EPHA5: variants seen among roughly 807,000 people sequenced by gnomAD.
The protein encoded by EPHA5 is ephrin type-A receptor 5.
A neutral mutation model predicts 105.0 loss-of-function variants in EPHA5; 60 were observed. That is an observed-to-expected ratio of 0.57 (90% confidence interval 0.46 to 0.71). The LOEUF is 0.71. Ranked by LOEUF, EPHA5 falls within the 30% of genes least tolerant of loss-of-function variation. EPHA5 has a pLI of 0.00. For synonymous variants in EPHA5, 513 were observed against 449.1 expected, an observed-to-expected ratio of 1.14 and a Z score of -1.80; for missense variants, 1,218 against 1,274.7, an observed-to-expected ratio of 0.96 and a Z score of 0.68.
intron 2 of EPHA5, among the ~76,000 whole-genome samples, chr4:65,628,645 A>G (rs1027140089): frequency 6.6e-6 from 1 of 152,174 alleles, no homozygotes; most frequent in Non-Finnish European, 1.5e-5. Flanking sequence ...TCAATCTGGC[A>G]TCATAATAAA....
chr4:65,653,206 A>G (rs1048464655), intron 1 of EPHA5, among the ~76,000 whole-genome samples: 3 of 152,210 alleles, frequency 2.0e-5, no homozygotes, highest in South Asian at 2.1e-4. Context: ...CATAGTCTCT[A>G]TTTTAAAGTG....
chr4:65,437,806 T>C (rs1352511963), intron 5 of EPHA5, among the ~76,000 whole-genome samples: 3 of 151,936 alleles, frequency 2.0e-5, no homozygotes, highest in African/African-American at 4.8e-5. Flanking sequence ...CACAATGTCA[T>C]AGGGATTTAA....
intron 4 of EPHA5, 129 bp from the exon 5 acceptor site, chr4:65,490,841 G>T: frequency 9.8e-7 from 1 of 1,024,274 alleles, no homozygotes; most frequent in Non-Finnish European, 1.4e-6. Flanking sequence ...ATAATTTGTA[G>T]TTTTGTTTTC....
intron 7 of EPHA5, among the ~76,000 whole-genome samples, chr4:65,405,494 T>C (rs1389582324): frequency 6.6e-6 from 1 of 152,194 alleles, no homozygotes; most frequent in African/African-American, 2.4e-5. Flanking sequence ...CCAAGAGATT[T>C]GGATCTCCAA....
rs571230122 is a variant in EPHA5, at chr4:65,583,924, A to G, written c.910+17717T>C. 4.6e-5 allele frequency among the ~76,000 whole-genome samples: 7 copies of G among 151,754 alleles called. 1 individual carries two copies. Among genetic ancestry groups the G allele is most frequent in the African/African-American group, 1.7e-4 (7 of 41,500 alleles). The stretch of plus-strand genomic sequence containing the variant: ...TTAAATTCATTAAACATTAAATTAA[A>G]TTTATTTAAAATATGTTTACACACT... On this transcript the variant is annotated intron_variant, in intron 3 of 16. Coordinates refer to ENST00000613740, the MANE Select transcript of EPHA5 (RefSeq NM_001281766.3).
At chr4:65,643,734 T>C (rs1747872226) in intron 1 of EPHA5, among the ~76,000 whole-genome samples, 1 of 151,812 alleles carries the variant, frequency 6.6e-6, no homozygotes, top group East Asian at 1.9e-4. Flanking sequence ...AGACAAAAAG[T>C]AAGCCCACAA....
Position 65,627,946 on chromosome 4 carries a change from T to C in EPHA5, c.246+15417A>G, listed in dbSNP as rs28715066. 2.1e-3 allele frequency among the ~76,000 whole-genome samples: 314 copies of C among 152,260 alleles called. 1 individual carries two copies. Among genetic ancestry groups the C allele is most frequent in the African/African-American group, 7.0e-3 (291 of 41,574 alleles). ...TTAAAAATAATCTTTTTATTAACTGTCCTTTTTTAATAGTTGAGTAAACTG... is the reference window on the plus strand; with the variant it reads ...TTAAAAATAATCTTTTTATTAACTGCCCTTTTTTAATAGTTGAGTAAACTG... On this transcript the variant is annotated intron_variant, in intron 2 of 16. Coordinates refer to ENST00000613740, the MANE Select transcript of EPHA5 (RefSeq NM_001281766.3).
At chr4:65,413,285 G>A (rs1304360110) in intron 7 of EPHA5, among the ~76,000 whole-genome samples, 3 of 151,832 alleles carry the variant, frequency 2.0e-5, no homozygotes, top group African/African-American at 7.3e-5. Flanking sequence ...TTTTACAATG[G>A]CACCCTTTTC....
chr4:65,533,444 C>T (rs565940590), intron 3 of EPHA5, among the ~76,000 whole-genome samples: 23 of 152,102 alleles, frequency 1.5e-4, no homozygotes, highest in African/African-American at 5.5e-4. Flanking sequence ...AAGTGACACA[C>T]AAAAATGGAA....
intron 3 of EPHA5, among the ~76,000 whole-genome samples, chr4:65,526,876 G>A (rs1229169319): frequency 1.3e-5 from 2 of 151,860 alleles, no homozygotes; most frequent in Non-Finnish European, 2.9e-5. Context: ...AAAGGCAATT[G>A]ATCTTAGTGA....
chr4:65,601,690 C>T lies in EPHA5; in HGVS notation c.861G>A (p.Gly287=), dbSNP rs773951202. ...CATATCCTGCCTTGCACATGCATTT[C>T]CCGATGGGCACCAGCCACTCCCCTT... ...SAEGEWLVPI[G]KCMCKAGYEE... Residue 287 remains glycine, a synonymous_variant, in exon 3 of 17, where the codon GGG becomes GGA. Coordinates refer to ENST00000613740, the MANE Select transcript of EPHA5 (RefSeq NM_001281766.3). The T allele has an allele frequency of 1.9e-6, 3 of 1,614,080 alleles. No homozygotes were observed. The highest frequency in any genetic ancestry group is 1.7e-5 in the Admixed American group (1 of 60,020).
At chr4:65,645,198 C>T (rs1031362535) in intron 1 of EPHA5, among the ~76,000 whole-genome samples, 2 of 152,076 alleles carry the variant, frequency 1.3e-5, no homozygotes, top group African/African-American at 2.4e-5. Context: ...CTACATTAAA[C>T]TTAAATGCCC....
chr4:65,663,585 G>A (rs969884929), intron 1 of EPHA5, among the ~76,000 whole-genome samples: 3 of 152,086 alleles, frequency 2.0e-5, no homozygotes, highest in African/African-American at 7.2e-5. Flanking sequence ...TGCACTAACA[G>A]ATTATATCAT....
At chr4:65,353,165 A>T (rs1722984396) in intron 11 of EPHA5, 62 bp from the exon 12 acceptor site, 1 of 964,198 alleles carries the variant, frequency 1.0e-6, no homozygotes, top group African/African-American at 1.7e-5. Context: ...TATCTGGCAA[A>T]GCTTACCCAG....
chr4:65,367,795 G>A (rs888459280), intron 8 of EPHA5, among the ~76,000 whole-genome samples: 1 of 151,860 alleles, frequency 6.6e-6, no homozygotes, highest in African/African-American at 2.4e-5. Flanking sequence ...GCCCAAAAAT[G>A]TGTGTCTGAT....
intron 3 of EPHA5, among the ~76,000 whole-genome samples, chr4:65,560,762 A>T (rs1738921278): frequency 6.6e-6 from 1 of 152,116 alleles, no homozygotes; most frequent in South Asian, 2.1e-4. Context: ...TATTCTAGAC[A>T]TAATTCCTGC....
At chr4:65,377,156 T>A (rs1252885603) in intron 8 of EPHA5, 2 of 1,231,168 alleles carry the variant, frequency 1.6e-6, no homozygotes, top group East Asian at 5.5e-5. Flanking sequence ...AGGTGTCTGC[T>A]TTCCTTTTCA....
chr4:65,621,029 A>AT (rs371771691), intron 2 of EPHA5, among the ~76,000 whole-genome samples: 1 of 152,034 alleles, frequency 6.6e-6, no homozygotes, highest in African/African-American at 2.4e-5. Context: ...CCAAGTTACC[A>AT]TTTTTTTCCA....
chr4:65,590,355 C>T (rs1217901789), intron 3 of EPHA5, among the ~76,000 whole-genome samples: 1 of 151,988 alleles, frequency 6.6e-6, no homozygotes, highest in Non-Finnish European at 1.5e-5. Context: ...GAATCAAATA[C>T]TTAAAGATAA....
Sources: allele counts gnomAD v4.1 joint callset (sites outside exome capture counted in the v4.1 genomes callset), GRCh38; gene constraint gnomAD v4.1.1; transcripts MANE v1.5; gene names NCBI Gene and HGNC (gene_info 2026-07-23, HGNC 2026-07-21).